ZNF385A: variants seen among roughly 807,000 people sequenced by gnomAD.
ZNF385A encodes the protein hematopoietic zinc finger protein.
A neutral mutation model predicts 32.1 loss-of-function variants in ZNF385A; 14 were observed. That is an observed-to-expected ratio of 0.44 (90% CI 0.29 to 0.68). The LOEUF is 0.68. Ranked by LOEUF, ZNF385A falls within the 30% of genes least tolerant of loss-of-function variation. The pLI, the probability that ZNF385A is intolerant of heterozygous loss-of-function variation, is 0.14. For missense variants in ZNF385A, 406 were observed against 478.4 expected (o/e 0.85, Z 1.41); for synonymous variants, 197 against 202.7 (o/e 0.97, Z 0.24).
Position 54,375,847 on chromosome 12 carries a change from A to C in ZNF385A, c.195T>G (p.Ser65=). The change falls in exon 2 of 7, where the codon TCT becomes TCG. Residue 65 remains serine, a synonymous_variant. Coordinates refer to ENST00000394313, the MANE Select transcript of ZNF385A (RefSeq NM_015481.3). ...SCNICQIRFN[S]QSQAEAHYKG... ...GATGAGCAGCTTGGCTTCTTACCTG[A>C]GAATTGAAGCGGATTTGACAGATAT... The C allele has an allele frequency of 6.2e-7, 1 of 1,614,038 alleles. No individual in the cohort carries two copies.
intron 1 of ZNF385A, among the ~76,000 whole-genome samples, chr12:54,382,247 T>G (rs1351594185): frequency 6.0e-5 from 9 of 150,544 alleles, no homozygotes; most frequent in African/African-American, 2.2e-4. Context: ...TTTTGTTGTT[T>G]TTTTTTTTAG....
chr12:54,370,335 G>A lies in ZNF385A; in HGVS notation c.1022C>T (p.Pro341Leu), dbSNP rs1954450981. ...APAAPLLQGPPITHPLLHPAP... is the reference protein window; with the variant it reads ...APAAPLLQGPLITHPLLHPAP... ...CGGGTGAAGCAGAGGGTGAGTGATC[G>A]GCGGTCCCTGGAGAAGAGGTGCGGC... The change falls in exon 7 of 7, where the codon CCG becomes CTG. Residue 341 changes from proline to leucine, a missense_variant. Pro to Leu is a moderately conservative substitution (Grantham distance 98, BLOSUM62 -3). Coordinates refer to ENST00000394313, the MANE Select transcript of ZNF385A (RefSeq NM_015481.3). This position sits in a 1 kb window ranked among gnomAD's most constrained non-coding sequence, Gnocchi z 5.5. 1 of 1,498,082 alleles carries A rather than the reference G, an allele frequency of 6.7e-7. No individual in the cohort carries two copies. The highest frequency in any genetic ancestry group is 8.9e-7 in the Non-Finnish European group (1 of 1,122,740). 92.8% of individuals were successfully genotyped at this position (1,498,082 alleles called of 1,614,324 possible).
chr12:54,384,607 G>T lies in ZNF385A; in HGVS notation c.-93C>A. ...CATTCTGTGGGGTAGGAAGATTAAAGCTTGGGAACCCCACCCAAGCCTGCC... is the reference window on the plus strand; with the variant it reads ...CATTCTGTGGGGTAGGAAGATTAAATCTTGGGAACCCCACCCAAGCCTGCC... On this transcript the variant is annotated 5_prime_UTR_variant, in exon 1 of 7. Coordinates refer to ENST00000394313, the MANE Select transcript of ZNF385A (RefSeq NM_015481.3). 7.0e-7 allele frequency: 1 copy of T among 1,423,146 alleles called. No homozygotes were observed. Among genetic ancestry groups the T allele is most frequent in the Non-Finnish European group, 9.2e-7 (1 of 1,090,228 alleles). The allele number at this position is 1,423,146 out of a possible 1,614,324, so 88.2% of individuals were successfully genotyped here. A position where few individuals can be genotyped will look rare whatever the true frequency, so the allele number is the denominator to read the frequency against.
intron 1 of ZNF385A, among the ~76,000 whole-genome samples, chr12:54,382,234 G>A (rs1006976787): frequency 7.4e-5 from 5 of 67,780 alleles, no homozygotes; most frequent in African/African-American, 2.1e-4. Flanking sequence ...CGCCCGGCTA[G>A]TTTTTTGTTG....
intron 1 of ZNF385A, among the ~76,000 whole-genome samples, chr12:54,378,596 C>T (rs996137011): frequency 6.6e-6 from 1 of 152,052 alleles, no homozygotes; most frequent in Non-Finnish European, 1.5e-5. Context: ...TCCCACTTCC[C>T]CACCCACCAA....
At chr12:54,378,819 G>T (rs1186195826) in intron 1 of ZNF385A, among the ~76,000 whole-genome samples, 1 of 152,118 alleles carries the variant, frequency 6.6e-6, no homozygotes. Flanking sequence ...GAAGTCTGAA[G>T]ATTTGGGGGA....
At chr12:54,388,040 TGTGTAA>T (rs1955538604), upstream of ZNF385A, among the ~76,000 whole-genome samples, 1 of 137,468 alleles carries the variant, frequency 7.3e-6, no homozygotes, top group South Asian at 2.7e-4. Context: ...AATTGAAGTG[TGTGTAA>T]GTGTGTGTGT....
upstream of ZNF385A, among the ~76,000 whole-genome samples, chr12:54,388,847 A>AT (rs1955563856): frequency 6.6e-6 from 1 of 152,096 alleles, no homozygotes; most frequent in Non-Finnish European, 1.5e-5. Flanking sequence ...AGTTCCATGT[A>AT]TATGTCCCCT....
Position 54,384,406 on chromosome 12 carries a change from A to G in ZNF385A, c.87+22T>C, listed in dbSNP as rs1196063761. Reference sequence around the variant, plus strand: ...AGGTCGGGTCACAAGAGGATGGAGAAGGCAGGCAGGCTGCTACTTACGGTG... The same window carrying G: ...AGGTCGGGTCACAAGAGGATGGAGAGGGCAGGCAGGCTGCTACTTACGGTG... On this transcript the variant is annotated intron_variant, in intron 1 of 6. Transcript: ENST00000394313. The G allele has an allele frequency of 1.9e-6, 3 of 1,563,674 alleles. No individual in the cohort carries two copies. In the East Asian group the frequency reaches 7.1e-5, roughly 37 times the overall value.
At chr12:54,377,046 C>T (rs997537965) in intron 1 of ZNF385A, among the ~76,000 whole-genome samples, 14 of 152,120 alleles carry the variant, frequency 9.2e-5, no homozygotes, top group African/African-American at 3.4e-4. Flanking sequence ...TCTCCTCAGC[C>T]GAGCCCATCT....
upstream of ZNF385A, chr12:54,385,760 G>A (rs1955451664): frequency 1.4e-6 from 1 of 726,068 alleles, no homozygotes; most frequent in South Asian, 6.3e-5. Context: ...CCTTCCCTTG[G>A]TTCTGCCCTC....
At chr12:54,375,406 C>T (rs1397983997) in intron 2 of ZNF385A, among the ~76,000 whole-genome samples, 3 of 151,630 alleles carry the variant, frequency 2.0e-5, no homozygotes, top group African/African-American at 4.8e-5. Context: ...AAAGTTAGAG[C>T]GAAGTGGGTG....
rs545548777 is a variant in ZNF385A, at chr12:54,373,867, AG to A, written c.361+105del. On this transcript the variant is annotated intron_variant, in intron 3 of 6. Coordinates refer to ENST00000394313, the MANE Select transcript of ZNF385A (RefSeq NM_015481.3). ...TCACCTTGGGTGGGGGTGGGGGTAT[AG>A]GGACTGAGGAAGAGAGAGATGGAAG... is the stretch of plus-strand genomic sequence containing the variant. 15 of 1,256,446 alleles carry A rather than the reference AG, an allele frequency of 1.2e-5. No homozygotes were observed. The South Asian group carries it at 3.2e-4, about 27-fold the overall frequency. 77.8% of individuals were successfully genotyped at this position (1,256,446 alleles called of 1,614,324 possible). A position where few individuals can be genotyped will look rare whatever the true frequency, so the allele number is the denominator to read the frequency against.
In ZNF385A at chr12:54,370,593, C is replaced by A; in HGVS notation, c.870+33G>T. The A allele has an allele frequency of 6.4e-7, 1 of 1,573,092 alleles. No homozygotes were observed. Among genetic ancestry groups the A allele is most frequent in the African/African-American group, 1.3e-5 (1 of 74,260 alleles). ...CCTCTCTCCTCCCCGCCCGCGCCCTCCCACTGCTGAATTCCCAGCATCCAG... is the reference window on the plus strand; with the variant it reads ...CCTCTCTCCTCCCCGCCCGCGCCCTACCACTGCTGAATTCCCAGCATCCAG... On this transcript the variant is annotated intron_variant, in intron 6 of 6. Transcript: ENST00000394313. This position sits in a 1 kb window ranked among gnomAD's most constrained non-coding sequence, Gnocchi z 5.5.
At chr12:54,377,198 G>A (rs1266902773) in intron 1 of ZNF385A, among the ~76,000 whole-genome samples, 2 of 152,206 alleles carry the variant, frequency 1.3e-5, no homozygotes, top group African/African-American at 2.4e-5. Flanking sequence ...TGGGGTTAAT[G>A]TCAGGAAATG....
rs2700154 is a variant in ZNF385A, at chr12:54,380,613, G to C, written c.87+3815C>G. Among the ~76,000 whole-genome samples the C allele has an allele frequency of 4.5e-3, 684 of 152,208 alleles. 5 individuals carry two copies. The highest frequency in any genetic ancestry group is 0.016 in the African/African-American group (645 of 41,524). On this transcript the variant is annotated intron_variant, in intron 1 of 6. Transcript: ENST00000394313. ...CAGGAACATATTTCCCTCCCCACCC[G>C]CTCCAGTGGCTTTTCCATTCCTTTT...
chr12:54,381,692 T>C (rs1955190298), intron 1 of ZNF385A, among the ~76,000 whole-genome samples: 1 of 152,256 alleles, frequency 6.6e-6, no homozygotes, highest in Non-Finnish European at 1.5e-5. Flanking sequence ...TTGTTCATGC[T>C]ACTTACTTCA....
At chr12:54,371,120 G>A (rs201822509) in intron 4 of ZNF385A, 24 bp from the exon 5 acceptor site, 1 of 1,560,742 alleles carries the variant, frequency 6.4e-7, no homozygotes, top group Non-Finnish European at 8.6e-7. Flanking sequence ...AGGGCAGGAG[G>A]TAAGGGGTGG....
chr12:54,381,723 C>G (rs985603734), intron 1 of ZNF385A, among the ~76,000 whole-genome samples: 1 of 152,216 alleles, frequency 6.6e-6, no homozygotes, highest in Non-Finnish European at 1.5e-5. Context: ...TTCTCTAAGA[C>G]TACTTTAAAA....
Sources: gnomAD v4.1 joint callset for allele counts (sites outside exome capture counted in the v4.1 genomes callset) on GRCh38, gnomAD v4.1.1 for gene constraint, Gnocchi (gnomAD v3.1) non-coding constraint, MANE v1.5 for transcripts, NCBI Gene and HGNC (gene_info 2026-07-23, HGNC 2026-07-21) for gene names.